The following PHF3 variants were observed in gnomAD, a reference collection of about 807,000 sequenced individuals.
PHF3 encodes the protein PHD finger protein 3.
A neutral mutation model predicts 178.4 loss-of-function variants in PHF3; 41 were observed. The observed-to-expected ratio is 0.23, with a 90% CI of 0.18 to 0.30. The LOEUF is 0.30. Ranked by LOEUF, PHF3 falls within the 10% of genes least tolerant of loss-of-function variation. The pLI, the probability that PHF3 is intolerant of heterozygous loss-of-function variation, is 1.00. For missense variants in PHF3, 2,346 were observed against 2,398.1 expected, an observed-to-expected ratio of 0.98 and a Z score of 0.45; for synonymous variants, 842 against 800.5, an observed-to-expected ratio of 1.05 and a Z score of -0.88.
chr6:63,709,267 A>G (rs767552351), intron 14 of PHF3, 27 bp downstream of exon 14: 161 of 1,361,858 alleles, frequency 1.2e-4, no homozygotes, highest in Non-Finnish European at 1.6e-4. Flanking sequence ...TCACTATACC[A>G]GCATGGGAAA....
intron 4 of PHF3, 113 bp from the exon 5 acceptor site, chr6:63,691,624 A>T (rs1318645053): frequency 8.9e-6 from 8 of 897,186 alleles, no homozygotes; most frequent in Non-Finnish European, 1.4e-5. Flanking sequence ...AGAGATGGAA[A>T]ACATGCAAAG....
intron 2 of PHF3, among the ~76,000 whole-genome samples, chr6:63,657,608 G>T (rs867147172): frequency 1.3e-5 from 2 of 152,270 alleles, no homozygotes; most frequent in South Asian, 4.1e-4. Flanking sequence ...TTCATGTTTA[G>T]TAGGTTGTGG....
At chr6:63,640,653 C>T (rs1332853237) in intron 1 of PHF3, among the ~76,000 whole-genome samples, 1 of 152,046 alleles carries the variant, frequency 6.6e-6, no homozygotes, top group African/African-American at 2.4e-5. Flanking sequence ...CTTAAACAAA[C>T]AAACAAACAA....
At chr6:63,675,481 T>C (rs114520315) in intron 2 of PHF3, among the ~76,000 whole-genome samples, 1,812 of 152,230 alleles carry the variant, frequency 0.012, 30 homozygotes, top group African/African-American at 0.042. Context: ...AGAAAAAACA[T>C]ACTGGAGGTG....
chr6:63,720,430 G>A lies in PHF3; in HGVS notation c.*6722G>A. On this transcript the variant is annotated 3_prime_UTR_variant, in exon 16 of 16. Coordinates refer to ENST00000262043, the MANE Select transcript of PHF3 (RefSeq NM_001370348.2). ...AAATTAGATGTAGGAAAAACAATCA[G>A]AACCTTCAGTGACATTTTACAATCT... 1 of 556,190 alleles carries A rather than the reference G, an allele frequency of 1.8e-6. No homozygotes were observed. Among genetic ancestry groups the A allele is most frequent in the Non-Finnish European group, 3.0e-6 (1 of 330,548 alleles). The allele number at this position is 556,190 out of a possible 1,614,324, so 34.5% of individuals were successfully genotyped here.
chr6:63,700,588 GCTT>G (rs1437399667), intron 9 of PHF3, 122 bp downstream of exon 9: 3 of 564,030 alleles, frequency 5.3e-6, no homozygotes, highest in Non-Finnish European at 9.7e-6. Flanking sequence ...TCTGTTACAT[GCTT>G]CTTTTTTTTT....
intron 2 of PHF3, among the ~76,000 whole-genome samples, chr6:63,664,999 TTAC>T (rs1765621399): frequency 6.6e-6 from 1 of 152,128 alleles, no homozygotes; most frequent in Non-Finnish European, 1.5e-5. Flanking sequence ...TAGGAAGTGG[TTAC>T]ATTAAATAAT....
chr6:63,677,425 G>GA (rs891867453), intron 2 of PHF3, among the ~76,000 whole-genome samples: 158 of 151,548 alleles, frequency 1.0e-3, no homozygotes, highest in African/African-American at 3.3e-3. Flanking sequence ...GAAGTGAAGT[G>GA]AAAAAAAAGG....
At chr6:63,670,178 C>T (rs773216758) in intron 2 of PHF3, among the ~76,000 whole-genome samples, 1 of 152,190 alleles carries the variant, frequency 6.6e-6, no homozygotes, top group African/African-American at 2.4e-5. Flanking sequence ...GCTTCCTTCT[C>T]ATCTGTGCTT....
intron 3 of PHF3, among the ~76,000 whole-genome samples, chr6:63,681,052 A>G (rs867160936): frequency 1.8e-4 from 28 of 152,096 alleles, no homozygotes; most frequent in African/African-American, 6.5e-4. Context: ...CCTTGTATTT[A>G]GTCTATTCTC....
chr6:63,694,731 G>A lies in PHF3; in HGVS notation c.2647G>A (p.Val883Ile), dbSNP rs1484657295. ...SEKIPKESTTVTCTGEKASKP... is the reference protein window; with the variant it reads ...SEKIPKESTTITCTGEKASKP... ...AAAAATACCGAAAGAGTCTACAACT[G>A]TTACTTGCACAGGAGAAAAAGCTTC... Residue 883 changes from valine (V) to isoleucine (I), a missense_variant, in exon 6 of 16, where the codon GTT (valine) becomes ATT (isoleucine). This residue lies in a region of PHF3 where 252 missense variants were observed against 232.0 expected (regional missense o/e 1.09). Transcript: ENST00000262043. 2 of 1,564,410 alleles carry A rather than the reference G, an allele frequency of 1.3e-6. No homozygotes were observed. Among genetic ancestry groups the A allele is most frequent in the Non-Finnish European group, 1.7e-6 (2 of 1,155,872 alleles).
At position 63,691,740 on chromosome 6, in the gene PHF3, T is replaced by G; in HGVS notation, c.2193T>G (p.Phe731Leu). The change falls in exon 5 of 16, where the codon TTT becomes TTG. Residue 731 changes from phenylalanine to leucine, a missense_variant. Around this residue, in one of 8 missense-constraint regions of PHF3, gnomAD observed 72 missense variants for 110.5 expected, o/e 0.65. Coordinates refer to ENST00000262043, the MANE Select transcript of PHF3 (RefSeq NM_001370348.2). ...TTTTTGGTGTTCTGTTTTCCAGGTT[T>G]ATGGTTGGCTGTGGGAGATGTGATG... ...GFCKKPHGNR[F>L]MVGCGRCDDW... 6.3e-7 allele frequency: 1 copy of G among 1,590,098 alleles called. No homozygotes were observed. The highest frequency in any genetic ancestry group is 8.6e-7 in the Non-Finnish European group (1 of 1,166,012).
chr6:63,711,456 C>A, intron 15 of PHF3, 94 bp downstream of exon 15: 1 of 1,349,648 alleles, frequency 7.4e-7, no homozygotes, highest in East Asian at 2.3e-5. Context: ...TCTCAGGATC[C>A]AGCCCTCTAG....
intron 3 of PHF3, among the ~76,000 whole-genome samples, chr6:63,682,007 G>A (rs1328871498): frequency 6.6e-6 from 1 of 152,026 alleles, no homozygotes; most frequent in Non-Finnish European, 1.5e-5. Context: ...AGCCTGTAAG[G>A]GAAACTGACT....
chr6:63,641,528 A>G (rs201757826), intron 1 of PHF3, among the ~76,000 whole-genome samples: 2,011 of 140,720 alleles, frequency 0.014, 88 homozygotes, highest in East Asian at 0.025. Flanking sequence ...TTAGGTGTGT[A>G]TGTGTGTGTG....
At chr6:63,675,593 G>A (rs576147672) in intron 2 of PHF3, among the ~76,000 whole-genome samples, 2 of 152,202 alleles carry the variant, frequency 1.3e-5, no homozygotes, top group African/African-American at 4.8e-5. Flanking sequence ...TTGAGTTGAA[G>A]GAAGTGTGTT....
At chr6:63,653,154 G>GT (rs559811903) in intron 2 of PHF3, among the ~76,000 whole-genome samples, 1,319 of 84,556 alleles carry the variant, frequency 0.016, 13 homozygotes, top group African/African-American at 0.034. Flanking sequence ...ATGTTGGCTA[G>GT]TTTTTTTTTT....
rs1768168838 is a variant in PHF3, at chr6:63,715,757, G to A, written c.*2049G>A. Among the ~76,000 whole-genome samples the A allele has an allele frequency of 6.6e-6, 1 of 152,126 alleles. No individual in the cohort carries two copies. The highest frequency in any genetic ancestry group is 6.6e-5 in the Admixed American group (1 of 15,240). ...CCGCTGATTGACTGAAACATTTTAT[G>A]GAGAATAGGGAAGGTATGGTCATAT... On this transcript the variant is annotated 3_prime_UTR_variant, in exon 16 of 16. Coordinates refer to ENST00000262043, the MANE Select transcript of PHF3 (RefSeq NM_001370348.2).
chr6:63,635,852 C>G lies in PHF3; in HGVS notation c.-324C>G. ...CTCCAGCTCCCGCGCCGCCGCCGCA[C>G]GCCGATGGCTGCGGGGTCTCGCGCC... On this transcript the variant is annotated 5_prime_UTR_variant, in exon 1 of 16. Transcript: ENST00000262043. The G allele has an allele frequency of 2.5e-6, 1 of 396,782 alleles. No individual in the cohort carries two copies. Among genetic ancestry groups the G allele is most frequent in the Non-Finnish European group, 4.4e-6 (1 of 224,858 alleles). The allele number at this position is 396,782 out of a possible 1,614,324, so 24.6% of individuals were successfully genotyped here. A position where few individuals can be genotyped will look rare whatever the true frequency, so the allele number is the denominator to read the frequency against.
Sources: gnomAD v4.1 joint callset for allele counts (sites outside exome capture counted in the v4.1 genomes callset) on GRCh38, gnomAD v4.1.1 for gene constraint, gnomAD v4.1.1 regional missense constraint, MANE v1.5 for transcripts, NCBI Gene and HGNC (gene_info 2026-07-23, HGNC 2026-07-21) for gene names.